NDC1: variants seen among roughly 807,000 people sequenced by gnomAD.
NDC1 encodes nucleoporin NDC1.
Under a neutral mutation model 89.8 loss-of-function variants are expected in NDC1, and 24 were observed. The ratio of observed to expected loss-of-function variants is 0.27; its 90% CI spans 0.19 to 0.38. The LOEUF (loss-of-function observed/expected upper bound fraction) is 0.38, where lower values mean the gene tolerates loss of function less well. Among genes scored for constraint, NDC1 ranks in the 10% least tolerant of loss-of-function variants. NDC1 has a pLI of 1.00. For synonymous variants in NDC1, 296 were observed against 284.8 expected (o/e 1.04, Z -0.39); for missense variants, 728 against 797.6 (o/e 0.91, Z 1.05).
At chr1:53,793,575 A>T (rs1320477429) in intron 13 of NDC1, among the ~76,000 whole-genome samples, 3 of 151,866 alleles carry the variant, frequency 2.0e-5, no homozygotes, top group Non-Finnish European at 2.9e-5. Flanking sequence ...TTTTGGTGAA[A>T]TTTTTTTCTT....
intron 16 of NDC1, among the ~76,000 whole-genome samples, chr1:53,783,099 C>A (rs1647229598): frequency 6.6e-6 from 1 of 152,038 alleles, no homozygotes; most frequent in Non-Finnish European, 1.5e-5. Flanking sequence ...AGGGTAGAAT[C>A]CTGGAGTTTC....
chr1:53,818,106 T>C (rs1648539930), intron 6 of NDC1, among the ~76,000 whole-genome samples: 1 of 152,150 alleles, frequency 6.6e-6, no homozygotes, highest in Admixed American at 6.6e-5. Flanking sequence ...AAAGAATGCA[T>C]TTGTTTTTAA....
chr1:53,838,296 G>A lies in NDC1; in HGVS notation c.-35C>T. ...GGCCCCTAGTCTAGGGCGTACAGGA[G>A]ACCGTGCGCCCGCCCGCCACCGCAG... On this transcript the variant is annotated 5_prime_UTR_variant, in exon 1 of 18. Coordinates refer to ENST00000371429, the MANE Select transcript of NDC1 (RefSeq NM_018087.5). The A allele has an allele frequency of 6.6e-7, 1 of 1,506,994 alleles. No individual in the cohort carries two copies. The highest frequency in any genetic ancestry group is 8.9e-7 in the Non-Finnish European group (1 of 1,125,170). The allele number at this position is 1,506,994 out of a possible 1,614,324, so 93.4% of individuals were successfully genotyped here.
intron 16 of NDC1, among the ~76,000 whole-genome samples, chr1:53,785,327 T>TA (rs1647277050): frequency 6.6e-6 from 1 of 152,256 alleles, no homozygotes; most frequent in East Asian, 1.9e-4. Flanking sequence ...TGCAGTCAGA[T>TA]AAACCAAATA....
intron 14 of NDC1, among the ~76,000 whole-genome samples, chr1:53,791,346 G>A (rs1195113736): frequency 6.6e-6 from 1 of 151,792 alleles, no homozygotes; most frequent in East Asian, 1.9e-4. Flanking sequence ...GTGAACTTGG[G>A]AGGCGGAGCT....
intron 16 of NDC1, among the ~76,000 whole-genome samples, chr1:53,782,554 G>A (rs1476901520): frequency 6.6e-6 from 1 of 152,188 alleles, no homozygotes; most frequent in Non-Finnish European, 1.5e-5. Flanking sequence ...TGGAAATCCT[G>A]GTAGGATCAA....
chr1:53,818,092 A>G (rs1398385352), intron 6 of NDC1, among the ~76,000 whole-genome samples: 1 of 152,130 alleles, frequency 6.6e-6, no homozygotes, highest in Non-Finnish European at 1.5e-5. Context: ...TTTCTTTCTT[A>G]AAAAAAGAAT....
At chr1:53,815,248 T>C (rs1648439516) in intron 6 of NDC1, among the ~76,000 whole-genome samples, 1 of 152,122 alleles carries the variant, frequency 6.6e-6, no homozygotes, top group Admixed American at 6.5e-5. Context: ...AAAAAGATAA[T>C]CCACCATGAT....
chr1:53,823,732 T>C (rs1184639517), intron 5 of NDC1, among the ~76,000 whole-genome samples: 2 of 152,208 alleles, frequency 1.3e-5, no homozygotes, highest in African/African-American at 4.8e-5. Context: ...TTGTGAAATT[T>C]TGAGGTAGCC....
intron 5 of NDC1, among the ~76,000 whole-genome samples, chr1:53,820,053 G>C (rs147783023): frequency 2.0e-5 from 3 of 152,174 alleles, no homozygotes; most frequent in South Asian, 2.1e-4. Flanking sequence ...TCAGGGGTTC[G>C]TAACCAGCCT....
rs1168630407 is a variant in NDC1 at position 53,809,743 on chromosome 1, T to C, written c.707A>G (p.Tyr236Cys). Residue 236 changes from tyrosine to cysteine, a missense_variant, in exon 7 of 18, where the codon TAT becomes TGT. Coordinates refer to ENST00000371429, the MANE Select transcript of NDC1 (RefSeq NM_018087.5). ...NFCILYYFLGYIPKAWISTAM... is the reference protein window; with the variant it reads ...NFCILYYFLGCIPKAWISTAM... The stretch of plus-strand genomic sequence containing the variant: ...AGTGCTAATCCAAGCTTTGGGAATA[T>C]AGCCTGAAGGGAAAAAATACCAAGC... The C allele has an allele frequency of 8.7e-6, 14 of 1,612,192 alleles. No individual in the cohort carries two copies. Among genetic ancestry groups the C allele is most frequent in the Admixed American group, 3.3e-5 (2 of 60,002 alleles).
At chr1:53,784,906 T>A (rs144153183) in intron 16 of NDC1, among the ~76,000 whole-genome samples, 222 of 151,354 alleles carry the variant, frequency 1.5e-3, no homozygotes, top group African/African-American at 5.0e-3. Flanking sequence ...TGCAGTGAGC[T>A]GAGATCACGC....
rs1213653007 is a variant in NDC1 at position 53,766,052 on chromosome 1, A to G, written c.*1918T>C. 5 of 152,340 alleles carry G rather than the reference A, an allele frequency of 3.3e-5. No individual in the cohort carries two copies. The East Asian group carries it at 5.8e-4, about 18-fold the overall frequency. The allele number at this position is 152,340 out of a possible 1,614,324, so 9.4% of individuals were successfully genotyped here. On this transcript the variant is annotated 3_prime_UTR_variant, in exon 18 of 18. Transcript: ENST00000371429. The stretch of plus-strand genomic sequence containing the variant: ...TCCAGATCTTCAACAGGCAGACACT[A>G]TGTGGCCTGTATTTAGTACACAGCA...
In NDC1 at chr1:53,772,444, G is replaced by A; in HGVS notation, c.1846C>T (p.Pro616Ser). Residue 616 changes from proline (P) to serine (S), a missense_variant, in exon 17 of 18, where the codon CCC (proline) becomes TCC (serine). Physicochemically the swap from Pro to Ser is moderately conservative, Grantham distance 74. Coordinates refer to ENST00000371429, the MANE Select transcript of NDC1 (RefSeq NM_018087.5). The stretch of plus-strand genomic sequence containing the variant: ...TCCACAAGGCTTCCTGAAATCCGGG[G>A]TGGTTTACTGGAAGCATGAGGAAGC... ...FKLPHASSKP[P>S]RISGSLVDTS... 6.2e-7 allele frequency: 1 copy of A among 1,613,446 alleles called. No homozygotes were observed. Among genetic ancestry groups the A allele is most frequent in the Non-Finnish European group, 8.5e-7 (1 of 1,179,568 alleles).
intron 7 of NDC1, among the ~76,000 whole-genome samples, chr1:53,808,815 C>G: frequency 6.6e-6 from 1 of 152,108 alleles, no homozygotes; most frequent in East Asian, 1.9e-4. Context: ...GAAGACAAAA[C>G]TAAATTTTGC....
chr1:53,774,180 G>A (rs1647142770), intron 16 of NDC1, among the ~76,000 whole-genome samples: 1 of 152,168 alleles, frequency 6.6e-6, no homozygotes, highest in Admixed American at 6.5e-5. Context: ...AAAATTTGAT[G>A]CATGTGTTCA....
At chr1:53,801,427 T>G (rs147675012) in intron 10 of NDC1, among the ~76,000 whole-genome samples, 19 of 152,346 alleles carry the variant, frequency 1.2e-4, no homozygotes, top group African/African-American at 3.8e-4. Context: ...ATCTTATTAT[T>G]TAACTTAAAC....
chr1:53,775,171 A>C (rs1297143372), intron 16 of NDC1, among the ~76,000 whole-genome samples: 1 of 152,216 alleles, frequency 6.6e-6, no homozygotes. Flanking sequence ...AAAATGCAGT[A>C]CCTTAAATAA....
intron 6 of NDC1, among the ~76,000 whole-genome samples, chr1:53,813,930 C>T (rs1045830150): frequency 1.3e-5 from 2 of 152,208 alleles, no homozygotes; most frequent in South Asian, 2.1e-4. Flanking sequence ...CAAGCACTCT[C>T]TCAGATCACA....
Sources: allele counts gnomAD v4.1 joint callset (sites outside exome capture counted in the v4.1 genomes callset), GRCh38; gene constraint gnomAD v4.1.1; transcripts MANE v1.5; gene names NCBI Gene and HGNC (gene_info 2026-07-23, HGNC 2026-07-21).